The following NIFK variants were observed in gnomAD, a reference collection of about 807,000 sequenced individuals.
NIFK encodes the protein MKI67 FHA domain-interacting nucleolar phosphoprotein.
Under a neutral mutation model 31.7 loss-of-function variants are expected in NIFK, and 16 were observed. The ratio of observed to expected loss-of-function variants is 0.50; its 90% CI spans 0.34 to 0.77. The LOEUF (loss-of-function observed/expected upper bound fraction) is 0.77, where lower values mean the gene tolerates loss of function less well. Among genes scored for constraint, NIFK ranks in the 30% least tolerant of loss-of-function variants. The probability of loss-of-function intolerance (pLI) is 0.01; values close to 1 mark genes in which losing one functional copy is unlikely to be tolerated. For missense variants in NIFK, 341 were observed against 350.4 expected (o/e 0.97, Z 0.21); for synonymous variants, 126 against 123.0 (o/e 1.02, Z -0.16).
intron 2 of NIFK, among the ~76,000 whole-genome samples, chr2:121,733,231 T>C (rs1573375220): frequency 6.6e-6 from 1 of 151,668 alleles, no homozygotes; most frequent in African/African-American, 2.4e-5. Flanking sequence ...ATACAAAAAT[T>C]AGGCCGGGCA....
chr2:121,728,412 T>A, intron 5 of NIFK, 56 bp from the exon 6 acceptor site: 1 of 1,477,126 alleles, frequency 6.8e-7, no homozygotes, highest in Non-Finnish European at 9.4e-7. Flanking sequence ...ACAGTAGTCT[T>A]GAATATGTTT....
At chr2:121,728,685 T>G in intron 4 of NIFK, 149 bp from the exon 5 acceptor site, 2 of 546,956 alleles carry the variant, frequency 3.7e-6, no homozygotes, top group Non-Finnish European at 6.3e-6. Flanking sequence ...GTGAATTATC[T>G]CAAGTAAAGG....
chr2:121,736,671 A>AC, intron 1 of NIFK, 75 bp downstream of exon 1: 1 of 1,305,770 alleles, frequency 7.7e-7, no homozygotes. Flanking sequence ...CGGGCCGGAA[A>AC]CCGTGCAACC....
chr2:121,727,702 A>C lies in NIFK; in HGVS notation c.*22T>G, dbSNP rs1253568168. On this transcript the variant is annotated 3_prime_UTR_variant, in exon 7 of 7. Transcript: ENST00000285814. ...CTCATAAAAATATTATATTTTTCAAAAGAAATATAATACATTGAAAATCAC... is the reference window on the plus strand; with the variant it reads ...CTCATAAAAATATTATATTTTTCAACAGAAATATAATACATTGAAAATCAC... 6.5e-7 allele frequency: 1 copy of C among 1,542,268 alleles called. No homozygotes were observed. The highest frequency in any genetic ancestry group is 8.8e-7 in the Non-Finnish European group (1 of 1,134,386).
Position 121,732,055 on chromosome 2 carries a change from C to T in NIFK, c.352+41G>A, listed in dbSNP as rs760240833. ...TCCCACCACAGTCACCCACCAACAG[C>T]AGGCACCCAGGCAACCCTGCGGTAA... On this transcript the variant is annotated intron_variant, in intron 3 of 6. Transcript: ENST00000285814. The T allele has an allele frequency of 8.4e-6, 10 of 1,185,006 alleles. No individual in the cohort carries two copies. In the Admixed American group the frequency reaches 8.5e-5, roughly 10 times the overall value. 73.4% of individuals were successfully genotyped at this position (1,185,006 alleles called of 1,614,324 possible).
At chr2:121,732,294 T>C (rs2074547106) in intron 2 of NIFK, 90 bp from the exon 3 acceptor site, 1 of 729,038 alleles carries the variant, frequency 1.4e-6, no homozygotes, top group Non-Finnish European at 2.4e-6. Flanking sequence ...AAATAATGTA[T>C]ATTAGCCCCT....
intron 2 of NIFK, among the ~76,000 whole-genome samples, chr2:121,733,802 A>G (rs1467382263): frequency 6.6e-6 from 1 of 152,206 alleles, no homozygotes; most frequent in African/African-American, 2.4e-5. Context: ...TTATGCTTAC[A>G]TGCATATGTA....
intron 6 of NIFK, 44 bp from the exon 7 acceptor site, chr2:121,727,956 T>C (rs2074503992): frequency 1.3e-6 from 2 of 1,503,172 alleles, no homozygotes; most frequent in East Asian, 2.3e-5. Context: ...ATGTAAAACA[T>C]GATTATGACT....
intron 4 of NIFK, 90 bp downstream of exon 4, chr2:121,730,803 G>GT (rs753037593): frequency 7.2e-6 from 6 of 838,852 alleles, no homozygotes; most frequent in Non-Finnish European, 1.2e-5. Flanking sequence ...CAAGATTGTG[G>GT]TAAGTGCTAG....
rs759862125 is a variant in NIFK at position 121,736,766 on chromosome 2, C to T, written c.85G>A (p.Val29Ile). Residue 29 changes from valine to isoleucine, a missense_variant, in exon 1 of 7, where the codon GTT becomes ATT. By Grantham distance (29) the Val-to-Ile change is conservative (BLOSUM62 3). Transcript: ENST00000285814. Reference sequence around the variant, plus strand: ...CTCACCTGGGTTATGCGCTTGCGAACCTGCGCCACCTCCTTTTGAAACTCG... The same window carrying T: ...CTCACCTGGGTTATGCGCTTGCGAATCTGCGCCACCTCCTTTTGAAACTCG... ...DVEFQKEVAQVRKRITQRKKQ... is the reference protein window; with the variant it reads ...DVEFQKEVAQIRKRITQRKKQ... 1.2e-6 allele frequency: 2 copies of T among 1,613,990 alleles called. No homozygotes were observed. The highest frequency in any genetic ancestry group is 8.5e-7 in the Non-Finnish European group (1 of 1,179,934).
At chr2:121,728,705 G>A in intron 4 of NIFK, 169 bp from the exon 5 acceptor site, 1 of 515,878 alleles carries the variant, frequency 1.9e-6, no homozygotes, top group Admixed American at 3.8e-5. Flanking sequence ...GGCAAAACTA[G>A]GAAAAACCCA....
chr2:121,733,281 G>A (rs186754292), intron 2 of NIFK, among the ~76,000 whole-genome samples: 3 of 152,190 alleles, frequency 2.0e-5, no homozygotes, highest in East Asian at 3.9e-4. Context: ...TTGGGAGGCC[G>A]AGGCAGGTGG....
intron 4 of NIFK, 33 bp from the exon 5 acceptor site, chr2:121,728,569 A>C (rs371964867): frequency 3.9e-5 from 49 of 1,253,196 alleles, no homozygotes; most frequent in Non-Finnish European, 5.5e-5. Flanking sequence ...TGACACTCAT[A>C]TCTTTTCTTT....
Position 121,730,928 on chromosome 2 carries a change from C to A in NIFK, c.529G>T (p.Ala177Ser). The change falls in exon 4 of 7, where the codon GCT becomes TCT. Residue 177 changes from alanine (A) to serine (S), a missense_variant. Physicochemically the swap from Ala to Ser is moderately conservative, Grantham distance 99. Coordinates refer to ENST00000285814, the MANE Select transcript of NIFK (RefSeq NM_032390.5). ...KKERLLRKKLAKKGIDYDFPS... is the reference protein window; with the variant it reads ...KKERLLRKKLSKKGIDYDFPS... ...AAATCATAGTCAATTCCTTTTTTAG[C>A]TAATTTCTTCCTGAGTAATCTTTCT... 3.7e-6 allele frequency: 6 copies of A among 1,612,682 alleles called. No individual in the cohort carries two copies. Among genetic ancestry groups the A allele is most frequent in the Non-Finnish European group, 5.1e-6 (6 of 1,179,042 alleles).
At chr2:121,735,163 AG>A (rs1396124511) in intron 2 of NIFK, among the ~76,000 whole-genome samples, 1 of 152,226 alleles carries the variant, frequency 6.6e-6, no homozygotes, top group Non-Finnish European at 1.5e-5. Flanking sequence ...AAATACTCCC[AG>A]GAAGTTTTAC....
In NIFK at chr2:121,727,602, A is replaced by G; in HGVS notation, c.*122T>C. ...ACACACTGCTTTCCTTAACTTGACC[A>G]AACAGTGTATTTTTCCTCTGAAAAT... On this transcript the variant is annotated 3_prime_UTR_variant, in exon 7 of 7. Coordinates refer to ENST00000285814, the MANE Select transcript of NIFK (RefSeq NM_032390.5). The G allele has an allele frequency of 2.3e-6, 2 of 860,938 alleles. No individual in the cohort carries two copies. Among genetic ancestry groups the G allele is most frequent in the Non-Finnish European group, 3.8e-6 (2 of 531,076 alleles). 53.3% of individuals were successfully genotyped at this position (860,938 alleles called of 1,614,324 possible). A position where few individuals can be genotyped will look rare whatever the true frequency, so the allele number is the denominator to read the frequency against.
chr2:121,731,248 G>A (rs2074537217), intron 3 of NIFK, 144 bp from the exon 4 acceptor site: 2 of 596,100 alleles, frequency 3.4e-6, no homozygotes, highest in Admixed American at 6.2e-5. Context: ...GCAATGCGAA[G>A]TGAATAGAGA....
chr2:121,736,341 T>G (rs1336107326), intron 1 of NIFK, among the ~76,000 whole-genome samples: 1 of 152,232 alleles, frequency 6.6e-6, no homozygotes, highest in Non-Finnish European at 1.5e-5. Flanking sequence ...TTCCCGAATG[T>G]GTTAAGTCTG....
At chr2:121,731,629 C>T (rs1376639293) in intron 3 of NIFK, among the ~76,000 whole-genome samples, 1 of 152,164 alleles carries the variant, frequency 6.6e-6, no homozygotes, top group Non-Finnish European at 1.5e-5. Flanking sequence ...GACCTGAAGC[C>T]TCTTCTTGCT....
Sources: allele counts gnomAD v4.1 joint callset (sites outside exome capture counted in the v4.1 genomes callset), GRCh38; gene constraint gnomAD v4.1.1; transcripts MANE v1.5; gene names NCBI Gene and HGNC (gene_info 2026-07-23, HGNC 2026-07-21).